TMEM135: variants seen among roughly 807,000 people sequenced by gnomAD.
TMEM135 encodes the protein transmembrane protein 135, also known as peroxisomal membrane protein 52.
TMEM135 carries 30 observed loss-of-function variants against 60.3 expected under a neutral mutation model. That is an observed-to-expected ratio of 0.50 (90% CI 0.37 to 0.68). The LOEUF (loss-of-function observed/expected upper bound fraction) is 0.68. Among genes scored for constraint, TMEM135 ranks in the 30% least tolerant of loss-of-function variants. TMEM135 has a pLI of 0.00. For missense variants in TMEM135, 468 were observed against 548.8 expected (o/e 0.85, Z 1.47); for synonymous variants, 190 against 186.7 (o/e 1.02, Z -0.14).
At chr11:87,188,181 T>C (rs1415750621) in intron 5 of TMEM135, among the ~76,000 whole-genome samples, 3 of 147,264 alleles carry the variant, frequency 2.0e-5, no homozygotes, top group Non-Finnish European at 4.5e-5. Context: ...GAAGCCAGTG[T>C]AGTTTGTACA....
At chr11:87,261,001 A>C (rs911606820) in intron 6 of TMEM135, among the ~76,000 whole-genome samples, 2 of 152,200 alleles carry the variant, frequency 1.3e-5, no homozygotes, top group African/African-American at 4.8e-5. Flanking sequence ...ACATCAGGAA[A>C]TAACTTCTGT....
At chr11:87,200,483 A>T (rs1478074724) in intron 5 of TMEM135, among the ~76,000 whole-genome samples, 1 of 152,180 alleles carries the variant, frequency 6.6e-6, no homozygotes, top group Non-Finnish European at 1.5e-5. Context: ...GGTGGAAAAT[A>T]GAGAAACTTC....
At chr11:87,038,251 G>A in intron 1 of TMEM135, 65 bp downstream of exon 1, 1 of 1,608,974 alleles carries the variant, frequency 6.2e-7, no homozygotes, top group Non-Finnish European at 8.5e-7. Flanking sequence ...GGCTGCAGTT[G>A]GTGCTCCCGA....
At chr11:87,204,012 C>T (rs1175152704) in intron 5 of TMEM135, among the ~76,000 whole-genome samples, 4 of 152,052 alleles carry the variant, frequency 2.6e-5, no homozygotes, top group Admixed American at 1.3e-4. Context: ...TCTTGTCAAT[C>T]GTGCACAATA....
Position 87,313,425 on chromosome 11 carries a change from G to T in TMEM135, c.937G>T (p.Gly313Cys). ...GTCATTGTATTTTCTCCTTAACTAG[G>T]GTACTAGTTGCTTCCTGCGCTGGAT... ...FLGSFVSIYK[G>C]TSCFLRWIRN... Residue 313 changes from glycine (G) to cysteine (C), a missense_variant and splice_region_variant, in exon 11 of 15, where the codon GGT (glycine) becomes TGT (cysteine). Gly to Cys is a radical substitution (Grantham distance 159). Transcript: ENST00000305494. 1.2e-6 allele frequency: 2 copies of T among 1,607,340 alleles called. No homozygotes were observed. Among genetic ancestry groups the T allele is most frequent in the South Asian group, 1.1e-5 (1 of 90,796 alleles).
chr11:87,278,842 C>T (rs1942011465), intron 6 of TMEM135, among the ~76,000 whole-genome samples: 3 of 151,978 alleles, frequency 2.0e-5, no homozygotes, highest in South Asian at 4.2e-4. Flanking sequence ...TTTTTGTAGT[C>T]GGTTTCTATC....
rs367985910 is a variant in TMEM135, at chr11:87,185,913, C to CTTTTTTTTTTTTT, written c.462+28517_462+28518insTTTTTTTTTTTTT. On this transcript the variant is annotated intron_variant, in intron 5 of 14. Coordinates refer to ENST00000305494, the MANE Select transcript of TMEM135 (RefSeq NM_022918.4). ...GTTTCAATCTGTTGTAGTTATCCTTCTTTTTTTTTTGTGAGACAGAGGTTC... is the reference window on the plus strand; with the variant it reads ...GTTTCAATCTGTTGTAGTTATCCTTCTTTTTTTTTTTTTTTTTTTTTTTGTGAGACAGAGGTTC... Among the ~76,000 whole-genome samples, 538 of 138,700 alleles carry CTTTTTTTTTTTTT rather than the reference C, an allele frequency of 3.9e-3. 20 individuals are homozygous for CTTTTTTTTTTTTT. Among genetic ancestry groups the CTTTTTTTTTTTTT allele is most frequent in the African/African-American group, 0.012 (441 of 36,520 alleles). 91.0% of individuals were successfully genotyped at this position (138,700 alleles called of 152,430 possible).
At chr11:87,075,165 T>C (rs1856844735) in intron 3 of TMEM135, among the ~76,000 whole-genome samples, 1 of 152,038 alleles carries the variant, frequency 6.6e-6, no homozygotes, top group South Asian at 2.1e-4. Context: ...ATTTAATTAG[T>C]TTATTTTTTT....
chr11:87,138,644 A>G (rs644457), intron 4 of TMEM135, among the ~76,000 whole-genome samples: 72,321 of 152,058 alleles, frequency 0.48, 17,487 homozygotes, highest in East Asian at 0.67. Flanking sequence ...AATAGAATCT[A>G]TATTCTAGTG....
intron 5 of TMEM135, among the ~76,000 whole-genome samples, chr11:87,190,988 C>CTA (rs987209537): frequency 1.1e-4 from 16 of 152,214 alleles, no homozygotes; most frequent in African/African-American, 3.9e-4. Flanking sequence ...TTATTCCATA[C>CTA]TATAGTTTAC....
chr11:87,304,253 C>T (rs1942497203), intron 8 of TMEM135, among the ~76,000 whole-genome samples: 1 of 152,066 alleles, frequency 6.6e-6, no homozygotes, highest in Non-Finnish European at 1.5e-5. Context: ...TGCCTGTAGT[C>T]CTAGCTACGC....
At position 87,325,512 on chromosome 11, in the gene TMEM135, C is replaced by G. The variant is rs1164174151; in HGVS notation, c.*4179C>G. On this transcript the variant is annotated 3_prime_UTR_variant, in exon 15 of 15. Transcript: ENST00000305494. Reference sequence around the variant, plus strand: ...GGGCTCTCTCTCTCTCCCTCTCTCTCTCTCTCTGTCTGTCTCTCTTGCTGC... The same window carrying G: ...GGGCTCTCTCTCTCTCCCTCTCTCTGTCTCTCTGTCTGTCTCTCTTGCTGC... 4.4e-6 allele frequency: 2 copies of G among 453,932 alleles called. No individual in the cohort carries two copies. Among genetic ancestry groups the G allele is most frequent in the African/African-American group, 4.0e-5 (2 of 49,990 alleles). The allele number at this position is 453,932 out of a possible 1,614,324, so 28.1% of individuals were successfully genotyped here.
intron 10 of TMEM135, among the ~76,000 whole-genome samples, chr11:87,310,598 C>T (rs1942624385): frequency 6.7e-6 from 1 of 149,748 alleles, no homozygotes; most frequent in Non-Finnish European, 1.5e-5. Context: ...ATATGTATCC[C>T]CCGAATCTAA....
At chr11:87,098,845 C>T (rs561592726) in intron 4 of TMEM135, among the ~76,000 whole-genome samples, 11 of 151,948 alleles carry the variant, frequency 7.2e-5, no homozygotes, top group Admixed American at 2.6e-4. Context: ...CCCACCACCA[C>T]GCCCGGCTAA....
intron 6 of TMEM135, chr11:87,258,802 AT>A: frequency 1.7e-6 from 1 of 584,598 alleles, no homozygotes; most frequent in Non-Finnish European, 3.1e-6. Flanking sequence ...ACACAATTGA[AT>A]TTCTGACTTC....
At chr11:87,084,454 T>C (rs1008817040) in intron 3 of TMEM135, among the ~76,000 whole-genome samples, 1 of 152,138 alleles carries the variant, frequency 6.6e-6, no homozygotes, top group Non-Finnish European at 1.5e-5. Context: ...ACCACAGGCA[T>C]GTGCCACCGT....
chr11:87,166,024 C>A (rs1010892423), intron 5 of TMEM135, among the ~76,000 whole-genome samples: 5 of 151,002 alleles, frequency 3.3e-5, no homozygotes, highest in African/African-American at 1.2e-4. Context: ...CATACACTCT[C>A]CCAAGACTAA....
intron 5 of TMEM135, among the ~76,000 whole-genome samples, chr11:87,204,838 G>T (rs1339229484): frequency 6.6e-6 from 1 of 152,056 alleles, no homozygotes; most frequent in Non-Finnish European, 1.5e-5. Context: ...GATCTGCACA[G>T]TTCATACTCA....
At chr11:87,211,691 A>G (rs1940373416) in intron 5 of TMEM135, among the ~76,000 whole-genome samples, 1 of 152,238 alleles carries the variant, frequency 6.6e-6, no homozygotes, top group African/African-American at 2.4e-5. Context: ...TCAATAAAAT[A>G]TCATTGAAAT....
Sources: gnomAD v4.1 joint callset for allele counts (sites outside exome capture counted in the v4.1 genomes callset) on GRCh38, gnomAD v4.1.1 for gene constraint, MANE v1.5 for transcripts, NCBI Gene and HGNC (gene_info 2026-07-23, HGNC 2026-07-21) for gene names.